Variants in TMEM156 observed in about 807,000 individuals in gnomAD.
TMEM156 encodes transmembrane protein 156.
Under a neutral mutation model 30.5 loss-of-function variants are expected in TMEM156, and 28 were observed. The ratio of observed to expected loss-of-function variants is 0.92; its 90% CI spans 0.68 to 1.26. TMEM156 has a LOEUF of 1.26. Ranked by LOEUF, TMEM156 falls within the 50% of genes most tolerant of loss-of-function variation. The probability of loss-of-function intolerance (pLI) is 0.00; values close to 1 mark genes in which losing one functional copy is unlikely to be tolerated. For synonymous variants in TMEM156, 137 were observed against 119.9 expected, an observed-to-expected ratio of 1.14 and a Z score of -0.93; for missense variants, 351 against 340.6, an observed-to-expected ratio of 1.03 and a Z score of -0.24.
chr4:39,007,051 G>C (rs985766429), intron 1 of TMEM156, among the ~76,000 whole-genome samples: 46 of 152,068 alleles, frequency 3.0e-4, no homozygotes, highest in African/African-American at 1.1e-3. Flanking sequence ...AGCATTTATT[G>C]AGTAGTCTAT....
intron 4 of TMEM156, 35 bp downstream of exon 4, chr4:38,988,816 C>T (rs1712198804): frequency 4.3e-6 from 7 of 1,612,622 alleles, no homozygotes; most frequent in South Asian, 1.1e-5. Context: ...TAGAAGAGAT[C>T]AGGAGTTCCT....
At chr4:38,967,806 G>A (rs17508078) in intron 6 of TMEM156, among the ~76,000 whole-genome samples, 165 bp from the exon 7 acceptor site, 32,371 of 152,152 alleles carry the variant, frequency 0.21, 3,648 homozygotes, top group South Asian at 0.31. Flanking sequence ...GGCTCTTTCA[G>A]GGCAACCTGA....
intron 1 of TMEM156, among the ~76,000 whole-genome samples, chr4:39,016,734 C>T (rs941053365): frequency 2.0e-5 from 3 of 152,138 alleles, no homozygotes; most frequent in Admixed American, 6.5e-5. Flanking sequence ...AATTTAATTT[C>T]ATTTAGTCAG....
Position 39,029,730 on chromosome 4 carries a change from A to G in TMEM156, c.88+2496T>C, listed in dbSNP as rs2110076721. On this transcript the variant is annotated intron_variant, in intron 1 of 6. Coordinates refer to ENST00000381938, the MANE Select transcript of TMEM156 (RefSeq NM_024943.3). ...CTCCGTCTCAAAAAAAAAAAAAAAA[A>G]AAAAAAAAAAGAACTAATTTTTAAA... 1.3e-5 allele frequency among the ~76,000 whole-genome samples: 2 copies of G among 150,062 alleles called. 1 individual carries two copies. Among genetic ancestry groups the G allele is most frequent in the Non-Finnish European group, 3.0e-5 (2 of 67,510 alleles).
chr4:38,976,682 C>A (rs1022255283), intron 5 of TMEM156, among the ~76,000 whole-genome samples: 1 of 152,178 alleles, frequency 6.6e-6, no homozygotes, highest in African/African-American at 2.4e-5. Flanking sequence ...GACTGACAGA[C>A]CCTTGGCCTG....
At chr4:39,004,234 A>C (rs1282173543) in intron 1 of TMEM156, among the ~76,000 whole-genome samples, 1 of 152,174 alleles carries the variant, frequency 6.6e-6, no homozygotes, top group Admixed American at 6.5e-5. Context: ...CTAAGACTGC[A>C]ACCTCTCAGA....
intron 5 of TMEM156, among the ~76,000 whole-genome samples, chr4:38,980,717 G>A (rs987269683): frequency 3.9e-5 from 6 of 152,156 alleles, no homozygotes; most frequent in Admixed American, 1.3e-4. Context: ...AAACAACTTC[G>A]TTAGTTAAGC....
intron 1 of TMEM156, among the ~76,000 whole-genome samples, chr4:39,023,576 C>T (rs779197843): frequency 6.6e-6 from 1 of 152,126 alleles, no homozygotes; most frequent in Non-Finnish European, 1.5e-5. Flanking sequence ...GGCATGGTGG[C>T]TCACGCCTGT....
intron 2 of TMEM156, among the ~76,000 whole-genome samples, chr4:38,997,416 T>C (rs1713008696): frequency 6.6e-6 from 1 of 152,134 alleles, no homozygotes; most frequent in Non-Finnish European, 1.5e-5. Flanking sequence ...ATGTACACCC[T>C]GAATCTATAA....
At position 38,985,159 on chromosome 4, in the gene TMEM156, G is replaced by C. The variant is rs117371726; in HGVS notation, c.823+1177C>G. ...ATGTACTGAGTAAGAGGGGAGCCCA[G>C]GGAAAAATGCCATTTTTGCCTTTTA... is the stretch of plus-strand genomic sequence containing the variant. On this transcript the variant is annotated intron_variant, in intron 5 of 6. Transcript: ENST00000381938. 1.9e-3 allele frequency among the ~76,000 whole-genome samples: 296 copies of C among 152,220 alleles called. 11 individuals are homozygous for C. The East Asian group carries it at 0.052, about 27-fold the overall frequency.
At chr4:38,979,832 T>C (rs1201651671) in intron 5 of TMEM156, among the ~76,000 whole-genome samples, 1 of 152,232 alleles carries the variant, frequency 6.6e-6, no homozygotes, top group Non-Finnish European at 1.5e-5. Flanking sequence ...GTGATTCTTA[T>C]TCAGTTCAGT....
At chr4:38,987,765 G>A (rs570595958) in intron 4 of TMEM156, among the ~76,000 whole-genome samples, 1 of 152,342 alleles carries the variant, frequency 6.6e-6, no homozygotes, top group East Asian at 1.9e-4. Flanking sequence ...GAGGATGTAA[G>A]GGATGCTCAC....
chr4:38,975,668 C>A (rs553006952), intron 5 of TMEM156, among the ~76,000 whole-genome samples: 2 of 152,058 alleles, frequency 1.3e-5, no homozygotes, highest in African/African-American at 4.8e-5. Flanking sequence ...TGAGCCACTG[C>A]GCCTGGCCTG....
intron 5 of TMEM156, 94 bp from the exon 6 acceptor site, chr4:38,971,231 T>A: frequency 8.4e-7 from 1 of 1,188,518 alleles, no homozygotes; most frequent in Non-Finnish European, 1.2e-6. Flanking sequence ...AAGAGAAGCA[T>A]GCTCTACCTC....
rs1472596836 is a variant in TMEM156 at position 38,992,713 on chromosome 4, T to TATATATATATA, written c.619+1014_619+1024dup. On this transcript the variant is annotated intron_variant, in intron 3 of 6. Coordinates refer to ENST00000381938, the MANE Select transcript of TMEM156 (RefSeq NM_024943.3). ...AATATATTATATAATATATATATAT[T>TATATATATATA]ATATATATATAATATATATATAATA... 2.0e-3 allele frequency among the ~76,000 whole-genome samples: 95 copies of TATATATATATA among 46,580 alleles called. 1 individual carries two copies. The highest frequency in any genetic ancestry group is 3.9e-3 in the African/African-American group (56 of 14,512). 30.6% of individuals were successfully genotyped at this position (46,580 alleles called of 152,430 possible).
chr4:38,992,527 G>A (rs953141353), intron 3 of TMEM156, among the ~76,000 whole-genome samples: 5 of 150,708 alleles, frequency 3.3e-5, no homozygotes, highest in East Asian at 1.9e-4. Flanking sequence ...TTTCCTCTAG[G>A]TGCCTAATCT....
rs113784624 is a variant in TMEM156, at chr4:38,980,120, A to G, written c.823+6216T>C. Among the ~76,000 whole-genome samples the G allele has an allele frequency of 8.4e-3, 1,282 of 151,962 alleles. 16 individuals are homozygous for G. Among genetic ancestry groups the G allele is most frequent in the African/African-American group, 0.029 (1,212 of 41,372 alleles). On this transcript the variant is annotated intron_variant, in intron 5 of 6. Transcript: ENST00000381938. ...TCCTAAAACTAGTCATCTGCTCCAA[A>G]TCTAGTCAATGTGAAAATAAAATGA...
Position 38,998,271 on chromosome 4 carries a change from G to T in TMEM156, c.358+369C>A, listed in dbSNP as rs140243810. 4.4e-3 allele frequency among the ~76,000 whole-genome samples: 669 copies of T among 152,244 alleles called. 3 individuals carry two copies. Among genetic ancestry groups the T allele is most frequent in the African/African-American group, 0.015 (622 of 41,534 alleles). ...TAAAAATGGAATATATTGGCCAGGC[G>T]CTGTGGCTAATACACCTGTAATCCC... is the stretch of plus-strand genomic sequence containing the variant. On this transcript the variant is annotated intron_variant, in intron 2 of 6. Transcript: ENST00000381938.
intron 1 of TMEM156, among the ~76,000 whole-genome samples, chr4:39,017,171 C>CTTTTTTTTTT (rs1159565890): frequency 1.2e-4 from 11 of 91,300 alleles, no homozygotes; most frequent in Admixed American, 3.2e-4. Flanking sequence ...TGTATTTCTT[C>CTTTTTTTTTT]TTTTTTTTTT....
Sources: allele counts gnomAD v4.1 joint callset (sites outside exome capture counted in the v4.1 genomes callset), GRCh38; gene constraint gnomAD v4.1.1; transcripts MANE v1.5; gene names NCBI Gene and HGNC (gene_info 2026-07-23, HGNC 2026-07-21).